NPHP4: variants seen among roughly 807,000 people sequenced by gnomAD.
NPHP4 encodes the protein nephrocystin-4.
Under a neutral mutation model 155.8 loss-of-function variants are expected in NPHP4, and 151 were observed. That is an observed-to-expected ratio of 0.97 (90% CI 0.85 to 1.11). NPHP4 has a LOEUF of 1.11. Ranked by LOEUF, NPHP4 falls within the 50% of genes least tolerant of loss-of-function variation. The probability of loss-of-function intolerance (pLI) is 0.00; values close to 1 mark genes in which losing one functional copy is unlikely to be tolerated. For synonymous variants in NPHP4, 845 were observed against 816.8 expected, an observed-to-expected ratio of 1.03 and a Z score of -0.59; for missense variants, 1,956 against 1,925.7, an observed-to-expected ratio of 1.02 and a Z score of -0.29.
chr1:5,934,928 AT>A (rs1646459259), intron 9 of NPHP4, among the ~76,000 whole-genome samples: 1 of 152,172 alleles, frequency 6.6e-6, no homozygotes, highest in African/African-American at 2.4e-5. Flanking sequence ...TTGGCTGGAC[AT>A]GCCAGTGGGG....
chr1:5,872,168 A>G (rs1642072360), intron 23 of NPHP4, among the ~76,000 whole-genome samples: 1 of 152,246 alleles, frequency 6.6e-6, no homozygotes, highest in South Asian at 2.1e-4. Flanking sequence ...CACAGCATAA[A>G]GAGACAACAG....
chr1:5,869,248 CA>C (rs1641738245), intron 23 of NPHP4, among the ~76,000 whole-genome samples: 1 of 151,610 alleles, frequency 6.6e-6, no homozygotes, highest in Non-Finnish European at 1.5e-5. Flanking sequence ...CACACACACA[CA>C]CACATGCACA....
intron 20 of NPHP4, 107 bp downstream of exon 20, chr1:5,876,986 T>G: frequency 1.3e-6 from 1 of 768,858 alleles, no homozygotes; most frequent in East Asian, 3.4e-5. Flanking sequence ...TCCCCAGGAT[T>G]TGGGAGGAAG....
In NPHP4 at chr1:5,905,961, T is replaced by C. The variant is rs143803424; in HGVS notation, c.1612-178A>G. On this transcript the variant is annotated intron_variant, in intron 13 of 29. Transcript: ENST00000378156. The surrounding 1 kb of genome is among the most constrained non-coding windows in gnomAD (Gnocchi z 4.0). ...AGGTAAACAACAAATGATTTTAGTA[T>C]AAGTATGGTCCCTACGATATTTGGG... 6.6e-6 allele frequency among the ~76,000 whole-genome samples: 1 copy of C among 152,332 alleles called. No individual in the cohort carries two copies. Among genetic ancestry groups the C allele is most frequent in the African/African-American group, 2.4e-5 (1 of 41,572 alleles).
At chr1:5,981,630 C>T (rs1322283005) in intron 2 of NPHP4, among the ~76,000 whole-genome samples, 1 of 152,222 alleles carries the variant, frequency 6.6e-6, no homozygotes, top group Admixed American at 6.5e-5. Context: ...CTCAAAACAA[C>T]TAAAATTATA....
intron 22 of NPHP4, chr1:5,873,622 A>G: frequency 1.9e-6 from 1 of 520,214 alleles, no homozygotes. Flanking sequence ...CCAGCATGGC[A>G]TCCTGTGAGT....
chr1:5,894,746 T>C (rs1041984349), intron 16 of NPHP4, among the ~76,000 whole-genome samples: 38 of 149,210 alleles, frequency 2.5e-4, no homozygotes, highest in African/African-American at 8.6e-4. Flanking sequence ...GAGGGGACGG[T>C]AAAGATAAAC....
chr1:5,919,563 G>A (rs1247321947), intron 11 of NPHP4, among the ~76,000 whole-genome samples: 1 of 152,196 alleles, frequency 6.6e-6, no homozygotes, highest in Non-Finnish European at 1.5e-5. Context: ...AGAGTGGGTA[G>A]GAGAAAAGGA....
At chr1:5,864,263 G>C in intron 28 of NPHP4, 75 bp downstream of exon 28, 1 of 1,410,108 alleles carries the variant, frequency 7.1e-7, no homozygotes, top group Admixed American at 2.2e-5. Flanking sequence ...GAGTCACAGG[G>C]CCGAGGTGGG....
At chr1:5,895,325 A>C (rs1644340721) in intron 16 of NPHP4, among the ~76,000 whole-genome samples, 2 of 77,300 alleles carry the variant, frequency 2.6e-5, no homozygotes, top group Admixed American at 1.3e-4. Flanking sequence ...TAGAATTTAA[A>C]GTATAATTAA....
chr1:5,890,895 G>A lies in NPHP4; in HGVS notation c.2277C>T (p.Leu759=), dbSNP rs144463562. ...IDVWDGDSLL[L]IGSAAVQMKH... is the part of the protein sequence containing the mutation. Reference sequence around the variant, plus strand: ...TCATCTGGACGGCAGCAGATCCGATGAGCAGCAGGGAGTCTCCGTCCCAGA... The same window carrying A: ...TCATCTGGACGGCAGCAGATCCGATAAGCAGCAGGGAGTCTCCGTCCCAGA... The change falls in exon 17 of 30, where the codon CTC becomes CTT. Residue 759 remains leucine (L), a synonymous_variant. Coordinates refer to ENST00000378156, the MANE Select transcript of NPHP4 (RefSeq NM_015102.5). The surrounding 1 kb of genome is among the most constrained non-coding windows in gnomAD (Gnocchi z 4.9). The A allele has an allele frequency of 1.6e-5, 25 of 1,610,646 alleles. No individual in the cohort carries two copies. In the African/African-American group the frequency reaches 2.3e-4, roughly 15 times the overall value.
chr1:5,905,397 G>C lies in NPHP4; in HGVS notation c.1850C>G (p.Ala617Gly), dbSNP rs190522911. 3 of 1,613,404 alleles carry C rather than the reference G, an allele frequency of 1.9e-6. No homozygotes were observed. Among genetic ancestry groups the C allele is most frequent in the South Asian group, 2.2e-5 (2 of 91,056 alleles). ...PEILDANKQP[A>G]EAVSATEPVT... Reference sequence around the variant, plus strand: ...AGGTTCTGTAGCGCTGACAGCCTCGGCTGGCTGTTTATTGGCATCCAGAAT... The same window carrying C: ...AGGTTCTGTAGCGCTGACAGCCTCGCCTGGCTGTTTATTGGCATCCAGAAT... Residue 617 changes from alanine to glycine, a missense_variant, in exon 15 of 30, where the codon GCC (alanine) becomes GGC (glycine). Transcript: ENST00000378156. The surrounding 1 kb of genome is among the most constrained non-coding windows in gnomAD (Gnocchi z 4.0).
chr1:5,980,478 G>A (rs1404238377), intron 2 of NPHP4, among the ~76,000 whole-genome samples: 1 of 152,224 alleles, frequency 6.6e-6, no homozygotes, highest in African/African-American at 2.4e-5. Flanking sequence ...CAATCATGCA[G>A]GGAGGCCAGG....
chr1:5,945,720 T>C (rs949457290), intron 9 of NPHP4, among the ~76,000 whole-genome samples: 1 of 152,198 alleles, frequency 6.6e-6, no homozygotes, highest in African/African-American at 2.4e-5. Flanking sequence ...GAAGATGTCT[T>C]GTCAACCGTT....
intron 16 of NPHP4, among the ~76,000 whole-genome samples, chr1:5,891,501 C>A (rs146459501): frequency 1.2e-4 from 19 of 152,344 alleles, no homozygotes; most frequent in Admixed American, 3.9e-4. Flanking sequence ...CAGGACGGCA[C>A]CTGCCCCGTG....
chr1:5,976,075 C>A (rs1258365196), intron 3 of NPHP4, among the ~76,000 whole-genome samples: 5 of 152,204 alleles, frequency 3.3e-5, no homozygotes, highest in Non-Finnish European at 5.9e-5. Context: ...ATACTCCATC[C>A]CTCAGCATTC....
chr1:5,961,838 C>A lies in NPHP4; in HGVS notation c.629G>T (p.Gly210Val). The A allele has an allele frequency of 3.7e-6, 6 of 1,613,542 alleles. No homozygotes were observed. The highest frequency in any genetic ancestry group is 5.1e-6 in the Non-Finnish European group (6 of 1,179,636). ...HLLPENLLVSGLQQIPGLLPA... is the reference protein window; with the variant it reads ...HLLPENLLVSVLQQIPGLLPA... ...AAGCAGGCCAGGTATCTGCTGCAGA[C>A]CAGACACCAGAAGGTTCTCAGGAAG... is the stretch of plus-strand genomic sequence containing the variant. The change falls in exon 6 of 30, where the codon GGT becomes GTT. Residue 210 changes from glycine (G) to valine (V), a missense_variant. Physicochemically the swap from Gly to Val is moderately radical, Grantham distance 109. Transcript: ENST00000378156.
chr1:5,921,648 C>T (rs937617269), intron 11 of NPHP4, among the ~76,000 whole-genome samples: 2 of 152,202 alleles, frequency 1.3e-5, no homozygotes, highest in South Asian at 2.1e-4. Flanking sequence ...CTTCATATGA[C>T]GACAGCGTTA....
intron 3 of NPHP4, 56 bp downstream of exon 3, chr1:5,978,214 C>T (rs1309672029): frequency 1.4e-5 from 22 of 1,545,426 alleles, no homozygotes; most frequent in Non-Finnish European, 1.8e-5. Flanking sequence ...CCCAGGACCA[C>T]CCGCACACAC....
Sources: allele counts gnomAD v4.1 joint callset (sites outside exome capture counted in the v4.1 genomes callset), GRCh38; gene constraint gnomAD v4.1.1; non-coding constraint Gnocchi (gnomAD v3.1); transcripts MANE v1.5; gene names NCBI Gene and HGNC (gene_info 2026-07-23, HGNC 2026-07-21).